NIPSNAP2: variants seen among roughly 807,000 people sequenced by gnomAD.
The protein encoded by NIPSNAP2 is protein NipSnap homolog 2.
NIPSNAP2 carries 42 observed loss-of-function variants against 48.4 expected under a neutral mutation model. The ratio of observed to expected loss-of-function variants is 0.87; its 90% CI spans 0.68 to 1.12. The LOEUF is 1.12. Among genes scored for constraint, NIPSNAP2 ranks in the 50% most tolerant of loss-of-function variants. The pLI is 0.00. For synonymous variants in NIPSNAP2, 158 were observed against 126.6 expected, an observed-to-expected ratio of 1.25 and a Z score of -1.67; for missense variants, 314 against 347.3, an observed-to-expected ratio of 0.90 and a Z score of 0.76.
chr7:55,983,949 G>T, intron 6 of NIPSNAP2, 81 bp downstream of exon 6: 2 of 1,276,862 alleles, frequency 1.6e-6, no homozygotes, highest in Non-Finnish European at 2.2e-6. Context: ...AACAGAACTT[G>T]TGTGTACATT....
At chr7:55,992,577 A>T (rs1787475444) in intron 7 of NIPSNAP2, among the ~76,000 whole-genome samples, 1 of 152,152 alleles carries the variant, frequency 6.6e-6, no homozygotes, top group African/African-American at 2.4e-5. Flanking sequence ...GTATATATGA[A>T]GTTTGCCTCC....
At chr7:55,975,895 G>A (rs1584341344) in intron 1 of NIPSNAP2, among the ~76,000 whole-genome samples, 5 of 152,254 alleles carry the variant, frequency 3.3e-5, no homozygotes, top group South Asian at 4.2e-4. Flanking sequence ...AAAATTAGCC[G>A]TGCACGGTGG....
intron 7 of NIPSNAP2, 65 bp downstream of exon 7, chr7:55,984,943 T>A: frequency 7.7e-7 from 1 of 1,299,548 alleles, no homozygotes; most frequent in Non-Finnish European, 1.1e-6. Context: ...GCCATAGTGT[T>A]AATTCTAGGG....
At position 55,986,983 on chromosome 7, in the gene NIPSNAP2, T is replaced by TAA. The variant is rs71561981; in HGVS notation, c.617+2131_617+2132dup. ...GCAACATGGTGAAACCCTGTCTCTA[T>TAA]AAAAAAAAAAAAAAAAAAAAAAAAA... On this transcript the variant is annotated intron_variant, in intron 7 of 9. Coordinates refer to ENST00000322090, the MANE Select transcript of NIPSNAP2 (RefSeq NM_001483.3). Among the ~76,000 whole-genome samples the TAA allele has an allele frequency of 9.3e-3, 510 of 54,716 alleles. 13 individuals are homozygous for TAA. The highest frequency in any genetic ancestry group is 0.016 in the African/African-American group (194 of 12,366). 35.9% of individuals were successfully genotyped at this position (54,716 alleles called of 152,430 possible). A position where few individuals can be genotyped will look rare whatever the true frequency, so the allele number is the denominator to read the frequency against.
At chr7:55,972,062 T>A (rs980825712) in intron 1 of NIPSNAP2, among the ~76,000 whole-genome samples, 28 of 152,048 alleles carry the variant, frequency 1.8e-4, no homozygotes, top group Non-Finnish European at 3.5e-4. Context: ...TTCCAGCACT[T>A]TGGGAGGCCG....
chr7:55,991,154 C>G (rs1468521251), intron 7 of NIPSNAP2, among the ~76,000 whole-genome samples: 3 of 152,142 alleles, frequency 2.0e-5, no homozygotes, highest in Non-Finnish European at 4.4e-5. Flanking sequence ...TCTAAGATCC[C>G]TTCTGTCTCC....
intron 1 of NIPSNAP2, among the ~76,000 whole-genome samples, chr7:55,970,180 A>G (rs1198248575): frequency 5.3e-5 from 8 of 151,526 alleles, no homozygotes; most frequent in Admixed American, 5.3e-4. Flanking sequence ...TCTAGTGAGT[A>G]TTTATTGAGT....
At chr7:55,995,222 G>T (rs565942427) in intron 8 of NIPSNAP2, among the ~76,000 whole-genome samples, 1 of 145,066 alleles carries the variant, frequency 6.9e-6, no homozygotes, top group East Asian at 2.0e-4. Context: ...AGGAATAAGG[G>T]GTAAAGCAAG....
chr7:55,989,792 C>G (rs781145529), intron 7 of NIPSNAP2, among the ~76,000 whole-genome samples: 1 of 152,064 alleles, frequency 6.6e-6, no homozygotes, highest in Non-Finnish European at 1.5e-5. Flanking sequence ...ATACTTACTT[C>G]ATTATGGGAT....
chr7:55,974,703 C>A (rs1418727795), intron 1 of NIPSNAP2, among the ~76,000 whole-genome samples: 1 of 151,940 alleles, frequency 6.6e-6, no homozygotes, highest in East Asian at 1.9e-4. Context: ...AAAAAATTAG[C>A]CGGGTGTGGC....
In NIPSNAP2 at chr7:55,997,396, TA is replaced by T. The variant is rs769641960; in HGVS notation, c.744del (p.Arg249GlyfsTer29). 6.2e-7 allele frequency: 1 copy of T among 1,613,926 alleles called. No homozygotes were observed. Among genetic ancestry groups the T allele is most frequent in the Non-Finnish European group, 8.5e-7 (1 of 1,179,848 alleles). ...AGGGATCTTCAGACCAGGGAAGACA[TA>T]CGGAATGCAGCATGGCACAAACATG... is the stretch of plus-strand genomic sequence containing the variant. Reference protein sequence around the residue: ...AYRDLQTREDIRNAAWHKHGW... With the variant: ...AYRDLQTREDXRNAAWHKHGW... On this transcript the variant is annotated frameshift_variant, in exon 9 of 10. Coordinates refer to ENST00000322090, the MANE Select transcript of NIPSNAP2 (RefSeq NM_001483.3). LOFTEE classifies it high-confidence loss of function.
In NIPSNAP2 at chr7:55,994,914, G is replaced by A; in HGVS notation, c.638G>A (p.Arg213Lys). The stretch of plus-strand genomic sequence containing the variant: ...TACAGGGCTCGTGCAATCCGCTTCA[G>A]ACAGGATGGTAACGAAGCCGTCGGA... ...GNYWARAIRF[R>K]QDGNEAVGGF... The change falls in exon 8 of 10, where the codon AGA becomes AAA. Residue 213 changes from arginine (R) to lysine (K), a missense_variant. By Grantham distance (26) the Arg-to-Lys change is conservative. Around this residue, in one of 2 missense-constraint regions of NIPSNAP2, gnomAD observed 116 missense variants for 161.8 expected, o/e 0.72. Transcript: ENST00000322090. 6.2e-7 allele frequency: 1 copy of A among 1,614,166 alleles called. No individual in the cohort carries two copies. Among genetic ancestry groups the A allele is most frequent in the Non-Finnish European group, 8.5e-7 (1 of 1,179,998 alleles).
chr7:55,986,981 T>TTA (rs1340502380), intron 7 of NIPSNAP2, among the ~76,000 whole-genome samples: 2 of 44,552 alleles, frequency 4.5e-5, no homozygotes, highest in African/African-American at 1.1e-4. Flanking sequence ...ACCCTGTCTC[T>TTA]ATAAAAAAAA....
intron 1 of NIPSNAP2, among the ~76,000 whole-genome samples, chr7:55,969,751 A>AGG (rs1786976332): frequency 1.3e-5 from 2 of 152,146 alleles, no homozygotes; most frequent in Non-Finnish European, 2.9e-5. Context: ...TGGGAGGCCA[A>AGG]GGTGGGCGAA....
chr7:55,998,930 G>A (rs886629274), intron 9 of NIPSNAP2, 78 bp from the exon 10 acceptor site: 14 of 1,179,768 alleles, frequency 1.2e-5, no homozygotes, highest in African/African-American at 9.0e-5. Context: ...GAACATTCTC[G>A]GCAATCTGTC....
At chr7:55,993,577 A>T (rs1483898609) in intron 7 of NIPSNAP2, among the ~76,000 whole-genome samples, 1 of 16,358 alleles carries the variant, frequency 6.1e-5, no homozygotes, top group East Asian at 1.7e-3. Context: ...ACTCCATCTA[A>T]AAAAAAAAAA....
chr7:55,969,982 C>CAAAAA (rs759505196), intron 1 of NIPSNAP2, among the ~76,000 whole-genome samples: 1 of 56,158 alleles, frequency 1.8e-5, no homozygotes, highest in Non-Finnish European at 3.9e-5. Context: ...GACTCTGTCT[C>CAAAAA]AAAAAAAAAA....
chr7:55,992,136 C>T, intron 7 of NIPSNAP2, among the ~76,000 whole-genome samples: 1 of 151,920 alleles, frequency 6.6e-6, no homozygotes. Context: ...GGGGCAATAG[C>T]AAGAAGTCCC....
At chr7:55,981,253 A>T (rs937262641) in intron 3 of NIPSNAP2, 10 of 385,150 alleles carry the variant, frequency 2.6e-5, no homozygotes, top group Admixed American at 8.2e-5. Context: ...TCTTCTAGAT[A>T]GTTGGGGTAT....
Sources: gnomAD v4.1 joint callset for allele counts (sites outside exome capture counted in the v4.1 genomes callset) on GRCh38, gnomAD v4.1.1 for gene constraint, gnomAD v4.1.1 regional missense constraint, MANE v1.5 for transcripts, NCBI Gene and HGNC (gene_info 2026-07-23, HGNC 2026-07-21) for gene names.